LHX4: variants seen among roughly 807,000 people sequenced by gnomAD.
LHX4 encodes LIM/homeobox protein Lhx4.
A neutral mutation model predicts 39.2 loss-of-function variants in LHX4; 16 were observed. That is an observed-to-expected ratio of 0.41 (90% CI 0.28 to 0.62). The LOEUF (loss-of-function observed/expected upper bound fraction) is 0.62, where lower values mean the gene tolerates loss of function less well. Ranked by LOEUF, LHX4 falls within the 20% of genes least tolerant of loss-of-function variation. LHX4 has a pLI of 0.33. For missense variants in LHX4, 439 were observed against 511.9 expected (o/e 0.86, Z 1.37); for synonymous variants, 206 against 198.1 (o/e 1.04, Z -0.33).
chr1:180,230,615 C>T lies in LHX4; in HGVS notation c.76+10C>T, dbSNP rs767298869. On this transcript the variant is annotated intron_variant, in intron 1 of 5. Transcript: ENST00000263726. The surrounding 1 kb of genome is among the most constrained non-coding windows in gnomAD (Gnocchi z 5.8). ...GGTGTGCCGATGCAACGTAAGACAC[C>T]CCCCTTTCTCGCTGATTTAATTCTA... The T allele has an allele frequency of 9.3e-6, 15 of 1,610,272 alleles. No individual in the cohort carries two copies. The highest frequency in any genetic ancestry group is 1.7e-5 in the Admixed American group (1 of 59,988).
chr1:180,269,704 G>A (rs547216042), intron 3 of LHX4: 1 of 152,332 alleles, frequency 6.6e-6, no homozygotes, highest in Admixed American at 6.5e-5. Flanking sequence ...TTGTACACAA[G>A]TGCACTATTT....
intron 3 of LHX4, among the ~76,000 whole-genome samples, chr1:180,268,260 C>T (rs561996502): frequency 6.6e-6 from 1 of 152,282 alleles, no homozygotes; most frequent in East Asian, 1.9e-4. Flanking sequence ...GATGGCACGA[C>T]CTCCCCGGCC....
chr1:180,271,409 C>T lies in LHX4; in HGVS notation c.481C>T (p.Arg161Trp), dbSNP rs1191321505. The change falls in exon 4 of 6, where the codon CGG (arginine) becomes TGG (tryptophan). Residue 161 changes from arginine to tryptophan, a missense_variant. Transcript: ENST00000263726. ...CTCAGAGGCTGGAGCTAAGCGGCCCCGGACCACCATCACAGCCAAGCAGCT... is the reference window on the plus strand; with the variant it reads ...CTCAGAGGCTGGAGCTAAGCGGCCCTGGACCACCATCACAGCCAAGCAGCT... ...DDSEAGAKRP[R>W]TTITAKQLET... The T allele has an allele frequency of 3.1e-6, 5 of 1,614,018 alleles. No homozygotes were observed. The highest frequency in any genetic ancestry group is 1.3e-5 in the African/African-American group (1 of 74,898).
upstream of LHX4, among the ~76,000 whole-genome samples, chr1:180,230,118 T>A (rs1252973056): frequency 6.7e-6 from 1 of 149,650 alleles, no homozygotes; most frequent in Non-Finnish European, 1.5e-5. This position sits in a 1 kb window ranked among gnomAD's most constrained non-coding sequence, Gnocchi z 5.8. Context: ...AGGGCGGGCC[T>A]CCCTGCGGAA....
chr1:180,232,092 G>A lies in LHX4; in HGVS notation c.76+1487G>A. 6.6e-6 allele frequency among the ~76,000 whole-genome samples: 1 copy of A among 152,184 alleles called. No homozygotes were observed. Among genetic ancestry groups the A allele is most frequent in the Non-Finnish European group, 1.5e-5 (1 of 68,032 alleles). ...ACTACGCCCCACACCCCGCACACAG[G>A]CAGGGACAGAGTGGGTTCTCAGCCC... On this transcript the variant is annotated intron_variant, in intron 1 of 5. Transcript: ENST00000263726. This position sits in a 1 kb window ranked among gnomAD's most constrained non-coding sequence, Gnocchi z 5.4.
In LHX4 at chr1:180,248,298, C is replaced by T. The variant is rs147491286; in HGVS notation, c.90C>T (p.Cys30=). ...TCTTCCTCACAGAGATTCCCCAGTG[C>T]GCTGGCTGCAACCAGCACATCCTGG... ...LGVPMQQIPQ[C]AGCNQHILDK... is the part of the protein sequence containing the mutation. The change falls in exon 2 of 6, where the codon TGC becomes TGT. Residue 30 remains cysteine, a synonymous_variant. Coordinates refer to ENST00000263726, the MANE Select transcript of LHX4 (RefSeq NM_033343.4). 126 of 1,614,098 alleles carry T rather than the reference C, an allele frequency of 7.8e-5. No homozygotes were observed. In the African/African-American group the frequency reaches 8.0e-4, roughly 10 times the overall value.
Position 180,271,395 on chromosome 1 carries a change from G to C in LHX4, c.467G>C (p.Gly156Ala), listed in dbSNP as rs769927908. Residue 156 changes from glycine to alanine, a missense_variant, in exon 4 of 6, where the codon GGA becomes GCA. Coordinates refer to ENST00000263726, the MANE Select transcript of LHX4 (RefSeq NM_033343.4). ...TTCCTTGCAGATGACTCAGAGGCTG[G>C]AGCTAAGCGGCCCCGGACCACCATC... ...TAKQNDDSEA[G>A]AKRPRTTITA... 6.2e-7 allele frequency: 1 copy of C among 1,614,182 alleles called. No individual in the cohort carries two copies. The highest frequency in any genetic ancestry group is 8.5e-7 in the Non-Finnish European group (1 of 1,180,034).
At chr1:180,265,962 A>G (rs1434555104) in intron 2 of LHX4, among the ~76,000 whole-genome samples, 1 of 152,136 alleles carries the variant, frequency 6.6e-6, no homozygotes, top group East Asian at 1.9e-4. Flanking sequence ...GGTGCTTTCT[A>G]CACACAGCCT....
rs1228900735 is a variant in LHX4 at position 180,278,390 on chromosome 1, A to ACTGTT, written c.*3814_*3818dup. The ACTGTT allele has an allele frequency of 2.0e-5, 3 of 152,122 alleles. No individual in the cohort carries two copies. Among genetic ancestry groups the ACTGTT allele is most frequent in the African/African-American group, 4.8e-5 (2 of 41,486 alleles). 9.4% of individuals were successfully genotyped at this position (152,122 alleles called of 1,614,324 possible). On this transcript the variant is annotated 3_prime_UTR_variant, in exon 6 of 6. Transcript: ENST00000263726. ...GGCCCTTTTTGCAGTAGTTGCTCCA[A>ACTGTT]CTGTTCTAAACAGTGAGTGACTGGA...
intron 2 of LHX4, among the ~76,000 whole-genome samples, chr1:180,260,843 C>T (rs550780741): frequency 2.6e-5 from 4 of 151,930 alleles, no homozygotes; most frequent in African/African-American, 4.9e-5. Flanking sequence ...GCCGCATGTC[C>T]GCTGTGTTGT....
chr1:180,230,263 C>T, upstream of LHX4: 2 of 547,830 alleles, frequency 3.7e-6, no homozygotes, highest in South Asian at 4.2e-5. This position sits in a 1 kb window ranked among gnomAD's most constrained non-coding sequence, Gnocchi z 5.8. Context: ...GGAAAAAAGC[C>T]AGAGCTGCAG....
At chr1:180,273,115 T>A (rs1648791908) in intron 5 of LHX4, 1 of 152,154 alleles carries the variant, frequency 6.6e-6, no homozygotes, top group South Asian at 2.1e-4. Flanking sequence ...GGTGTTGAAG[T>A]CTAGTCTGGG....
intron 3 of LHX4, chr1:180,270,194 C>T (rs1049046630): frequency 6.6e-6 from 1 of 152,148 alleles, no homozygotes; most frequent in Non-Finnish European, 1.5e-5. Context: ...TTGTGAGGAC[C>T]GAATGCATAT....
At chr1:180,240,621 T>C (rs964223708) in intron 1 of LHX4, among the ~76,000 whole-genome samples, 1 of 152,238 alleles carries the variant, frequency 6.6e-6, no homozygotes, top group African/African-American at 2.4e-5. Context: ...AAATGTTTCA[T>C]GGTGGCCCCT....
At chr1:180,228,995 T>C (rs1664089411), upstream of LHX4, among the ~76,000 whole-genome samples, 1 of 152,198 alleles carries the variant, frequency 6.6e-6, no homozygotes. Flanking sequence ...CGGGGTGGGC[T>C]TCCCGCGCCT....
rs747140246 is a variant in LHX4 at position 180,272,003 on chromosome 1, C to T, written c.775C>T (p.Arg259Ter). The change falls in exon 5 of 6, where the codon CGA (arginine) becomes TGA (stop). Residue 259 changes from arginine to a stop codon, truncating the protein, a stop_gained. Transcript: ENST00000263726. LOFTEE classifies it high-confidence loss of function. The part of the protein sequence containing the change: ...CGVSDSELSF[R>*]EDQILSELGH... ...GGTTAGTGACAGTGAGCTGAGCTTC[C>T]GAGGTGAGCAGGGCTGGAGGGGCCA... The T allele has an allele frequency of 6.8e-6, 11 of 1,611,868 alleles. No homozygotes were observed. The highest frequency in any genetic ancestry group is 9.3e-6 in the Non-Finnish European group (11 of 1,179,366).
Position 180,234,247 on chromosome 1 carries a change from G to A in LHX4, c.76+3642G>A, listed in dbSNP as rs1236377989. ...ATAGATTGAGATTCTATCATATTCCGAACATTCCGATATAGCAGCTGTAGG... is the reference window on the plus strand; with the variant it reads ...ATAGATTGAGATTCTATCATATTCCAAACATTCCGATATAGCAGCTGTAGG... On this transcript the variant is annotated intron_variant, in intron 1 of 5. Transcript: ENST00000263726. The surrounding 1 kb of genome is among the most constrained non-coding windows in gnomAD (Gnocchi z 4.8). 2.3e-5 allele frequency among the ~76,000 whole-genome samples: 3 copies of A among 129,370 alleles called. No individual in the cohort carries two copies. Among genetic ancestry groups the A allele is most frequent in the Non-Finnish European group, 3.2e-5 (2 of 62,426 alleles). The allele number at this position is 129,370 out of a possible 152,430, so 84.9% of individuals were successfully genotyped here.
upstream of LHX4, among the ~76,000 whole-genome samples, chr1:180,229,651 TACGGAGCGCGCTCCGTCCGGCG>T (rs1366276573): frequency 6.6e-6 from 1 of 151,658 alleles, no homozygotes; most frequent in East Asian, 2.0e-4. Context: ...AGTCATCGGT[TACGGAGCGCGCTCCGTCCGGCG>T]GAGCGAAGCC....
At chr1:180,263,512 C>T (rs1648191351) in intron 2 of LHX4, among the ~76,000 whole-genome samples, 1 of 152,162 alleles carries the variant, frequency 6.6e-6, no homozygotes, top group South Asian at 2.1e-4. Context: ...ATGCGGCTCC[C>T]TCGGCAAGGG....
Sources: gnomAD v4.1 joint callset for allele counts (sites outside exome capture counted in the v4.1 genomes callset) on GRCh38, gnomAD v4.1.1 for gene constraint, Gnocchi (gnomAD v3.1) non-coding constraint, MANE v1.5 for transcripts, NCBI Gene and HGNC (gene_info 2026-07-23, HGNC 2026-07-21) for gene names.